The following USP14 variants were observed in gnomAD, a reference collection of about 807,000 sequenced individuals.
USP14 encodes ubiquitin specific peptidase 14.
In USP14, 38 loss-of-function variants were observed where a neutral mutation model predicts 76.5. The ratio of observed to expected loss-of-function variants is 0.50; its 90% CI spans 0.38 to 0.65. USP14 has a LOEUF of 0.65. Ranked by LOEUF, USP14 falls within the 30% of genes least tolerant of loss-of-function variation. The pLI, the probability that USP14 is intolerant of heterozygous loss-of-function variation, is 0.00. For synonymous variants in USP14, 192 were observed against 191.7 expected (o/e 1.00, Z -0.01); for missense variants, 467 against 586.5 (o/e 0.80, Z 2.10).
chr18:208,343 G>C (rs536124217), intron 13 of USP14, among the ~76,000 whole-genome samples: 1 of 152,214 alleles, frequency 6.6e-6, no homozygotes, highest in South Asian at 2.1e-4. Context: ...TAGTGAGTGA[G>C]ATCCATCCCG....
chr18:165,795 C>T (rs967217435), intron 2 of USP14, among the ~76,000 whole-genome samples: 4 of 152,008 alleles, frequency 2.6e-5, no homozygotes, highest in Admixed American at 6.6e-5. Flanking sequence ...CAGTCATAGA[C>T]CTTAAATTGA....
intron 2 of USP14, among the ~76,000 whole-genome samples, chr18:165,708 T>G (rs891392418): frequency 6.6e-6 from 1 of 152,242 alleles, no homozygotes; most frequent in Non-Finnish European, 1.5e-5. Flanking sequence ...AGCAGATCTG[T>G]GTTCACTTCC....
intron 14 of USP14, 51 bp downstream of exon 14, chr18:210,082 G>T: frequency 7.0e-7 from 1 of 1,423,542 alleles, no homozygotes; most frequent in South Asian, 1.3e-5. Context: ...GTCTTTTTAA[G>T]GTAAAATTTA....
chr18:175,368 C>T (rs1285467227), intron 3 of USP14, among the ~76,000 whole-genome samples: 2 of 152,114 alleles, frequency 1.3e-5, no homozygotes, highest in Admixed American at 1.3e-4. Context: ...GAAAAGCCTC[C>T]AGTCATGGCT....
chr18:171,019 AAAAAAAATAT>A (rs1401283205), intron 3 of USP14, among the ~76,000 whole-genome samples: 56 of 75,258 alleles, frequency 7.4e-4, no homozygotes, highest in African/African-American at 1.9e-3. Flanking sequence ...TAAAAAAAAA[AAAAAAAATAT>A]ATATATATAT....
Position 198,133 on chromosome 18 carries a change from G to A in USP14, c.761+1G>A. ...TCTTCGGTGTTGAGTTTGAAACTAC[G>A]TATCCTTATGAGCCAAGATATAGAC... On this transcript the variant is annotated splice_donor_variant, in intron 9 of 15. Coordinates refer to ENST00000261601, the MANE Select transcript of USP14 (RefSeq NM_005151.4). LOFTEE classifies it high-confidence loss of function. The A allele has an allele frequency of 6.2e-7, 1 of 1,601,584 alleles. No homozygotes were observed. The highest frequency in any genetic ancestry group is 8.5e-7 in the Non-Finnish European group (1 of 1,172,408).
At chr18:169,936 C>T (rs1348951081) in intron 3 of USP14, among the ~76,000 whole-genome samples, 4 of 152,068 alleles carry the variant, frequency 2.6e-5, no homozygotes, top group African/African-American at 9.7e-5. Context: ...CTCACCGACC[C>T]GCAGTTCCCT....
rs75750888 is a variant in USP14, at chr18:204,576, C to T, written c.1048C>T (p.Pro350Ser). 128 of 1,594,198 alleles carry T rather than the reference C, an allele frequency of 8.0e-5. 4 individuals carry two copies. The South Asian group carries it at 1.4e-3, about 17-fold the overall frequency. Residue 350 changes from proline (P) to serine (S), a missense_variant, in exon 13 of 16, where the codon CCT becomes TCT. By Grantham distance (74) the Pro-to-Ser change is moderately conservative. Coordinates refer to ENST00000261601, the MANE Select transcript of USP14 (RefSeq NM_005151.4). Reference protein sequence around the residue: ...NAKVLKDVKFPLMLDMYELCT... With the variant: ...NAKVLKDVKFSLMLDMYELCT... ...TGTTTGTATATAGGATGTTAAATTT[C>T]CTCTTATGTTGGATATGTATGAACT... is the stretch of plus-strand genomic sequence containing the variant.
intron 3 of USP14, among the ~76,000 whole-genome samples, chr18:173,404 C>A (rs530643070): frequency 1.4e-4 from 21 of 151,330 alleles, no homozygotes; most frequent in Non-Finnish European, 2.4e-4. Context: ...AGCCACCATG[C>A]CCGGCCTATA....
intron 5 of USP14, among the ~76,000 whole-genome samples, chr18:185,609 G>A (rs1909907693): frequency 6.6e-6 from 1 of 152,120 alleles, no homozygotes; most frequent in African/African-American, 2.4e-5. Flanking sequence ...GAGTGGAATT[G>A]CATGTGGGAT....
At position 213,921 on chromosome 18, in the gene USP14, A is replaced by ATTTC. The variant is rs1555603781; in HGVS notation, c.*2641_*2644dup. 6.6e-6 allele frequency: 1 copy of ATTTC among 152,116 alleles called. No individual in the cohort carries two copies. The highest frequency in any genetic ancestry group is 1.5e-5 in the Non-Finnish European group (1 of 67,996). 9.4% of individuals were successfully genotyped at this position (152,116 alleles called of 1,614,324 possible). A position where few individuals can be genotyped will look rare whatever the true frequency, so the allele number is the denominator to read the frequency against. ...AAGGAAAAGTGAGGTTTTAGACTTC[A>ATTTC]TTTCTTTTAAAGTTGGCAAACAAAC... On this transcript the variant is annotated 3_prime_UTR_variant, in exon 16 of 16. Coordinates refer to ENST00000261601, the MANE Select transcript of USP14 (RefSeq NM_005151.4).
chr18:188,710 C>T (rs550323535), intron 5 of USP14, among the ~76,000 whole-genome samples: 66 of 152,070 alleles, frequency 4.3e-4, no homozygotes, highest in Non-Finnish European at 8.5e-4. Context: ...CAGAGTCTCG[C>T]TGTGTTGCCC....
Position 199,269 on chromosome 18 carries a change from T to G in USP14, c.829T>G (p.Cys277Gly). Residue 277 changes from cysteine (C) to glycine (G), a missense_variant, in exon 10 of 16, where the codon TGT becomes GGT. Cys to Gly is a radical substitution (Grantham distance 159, BLOSUM62 -3). Transcript: ENST00000261601. Reference protein sequence around the residue: ...KGKENQLQLSCFINQEVKYLF... With the variant: ...KGKENQLQLSGFINQEVKYLF... ...AAAGGAAAATCAACTTCAGCTTAGC[T>G]GTTTTATCAATCAGGAAGTCAAGTA... 6.2e-7 allele frequency: 1 copy of G among 1,613,992 alleles called. No homozygotes were observed. Among genetic ancestry groups the G allele is most frequent in the Non-Finnish European group, 8.5e-7 (1 of 1,179,904 alleles).
At chr18:180,751 A>G (rs1473435844) in intron 5 of USP14, among the ~76,000 whole-genome samples, 1 of 152,056 alleles carries the variant, frequency 6.6e-6, no homozygotes, top group Non-Finnish European at 1.5e-5. Flanking sequence ...AGCACACGTA[A>G]CACCTCATTC....
chr18:189,875 C>T (rs1035117687), intron 5 of USP14, among the ~76,000 whole-genome samples: 3 of 152,070 alleles, frequency 2.0e-5, no homozygotes, highest in African/African-American at 7.2e-5. Context: ...CATCCATATA[C>T]CCAAAATAAA....
intron 5 of USP14, among the ~76,000 whole-genome samples, chr18:190,537 T>A (rs541779931): frequency 6.6e-5 from 10 of 152,194 alleles, no homozygotes; most frequent in South Asian, 2.1e-4. Flanking sequence ...GTTATAAATG[T>A]ACTTTATTTC....
At chr18:199,174 G>T in intron 9 of USP14, 28 bp from the exon 10 acceptor site, 1 of 1,416,078 alleles carries the variant, frequency 7.1e-7, no homozygotes. Context: ...AATACCCGTT[G>T]GCATATTCCT....
intron 5 of USP14, among the ~76,000 whole-genome samples, chr18:189,490 TG>T (rs368168636): frequency 6.6e-6 from 1 of 151,892 alleles, no homozygotes; most frequent in African/African-American, 2.4e-5. Context: ...GTTTTTTCTT[TG>T]TTTTTTTTTT....
rs1910669328 is a variant in USP14 at position 211,480 on chromosome 18, G to GCCCTATATATATATAT, written c.*197_*198insCCTATATATATATATC. ...GAAGAGAAAATTATCTTTGGATTGT[G>GCCCTATATATATATAT]CTGCCCTATATAAAGGTGGCAGAAA... On this transcript the variant is annotated 3_prime_UTR_variant, in exon 16 of 16. Coordinates refer to ENST00000261601, the MANE Select transcript of USP14 (RefSeq NM_005151.4). The GCCCTATATATATATAT allele has an allele frequency of 2.2e-6, 1 of 461,138 alleles. No individual in the cohort carries two copies. The highest frequency in any genetic ancestry group is 2.0e-5 in the African/African-American group (1 of 50,010). 28.6% of individuals were successfully genotyped at this position (461,138 alleles called of 1,614,324 possible).
Sources: gnomAD v4.1 joint callset for allele counts (sites outside exome capture counted in the v4.1 genomes callset) on GRCh38, gnomAD v4.1.1 for gene constraint, MANE v1.5 for transcripts, NCBI Gene and HGNC (gene_info 2026-07-23, HGNC 2026-07-21) for gene names.